CMSS1: variants seen among roughly 807,000 people sequenced by gnomAD.
CMSS1 encodes cms1 ribosomal small subunit homolog.
CMSS1 carries 33 observed loss-of-function variants against 43.5 expected under a neutral mutation model. The ratio of observed to expected loss-of-function variants is 0.76; its 90% CI spans 0.57 to 1.01. The LOEUF is 1.01. Among genes scored for constraint, CMSS1 ranks in the 50% least tolerant of loss-of-function variants. The pLI is 0.00. For synonymous variants in CMSS1, 115 were observed against 117.2 expected, an observed-to-expected ratio of 0.98 and a Z score of 0.12; for missense variants, 313 against 326.4, an observed-to-expected ratio of 0.96 and a Z score of 0.32.
At position 100,144,587 on chromosome 3, in the gene CMSS1, C is replaced by A. The variant is rs72936578; in HGVS notation, c.65-2386C>A. On this transcript the variant is annotated intron_variant, in intron 1 of 9. Transcript: ENST00000421999. Reference sequence around the variant, plus strand: ...TCCATCATGGGGTGCCTCATTACACCCTGTCAAGGGTGGAAGTCTAGGCTC... The same window carrying A: ...TCCATCATGGGGTGCCTCATTACACACTGTCAAGGGTGGAAGTCTAGGCTC... Among the ~76,000 whole-genome samples, 394 of 152,286 alleles carry A rather than the reference C, an allele frequency of 2.6e-3. 4 individuals are homozygous for A. Among genetic ancestry groups the A allele is most frequent in the African/African-American group, 9.2e-3 (381 of 41,556 alleles).
At chr3:100,037,622 G>A (rs1251942724) in intron 1 of CMSS1, among the ~76,000 whole-genome samples, 2 of 152,168 alleles carry the variant, frequency 1.3e-5, no homozygotes, top group African/African-American at 2.4e-5. Flanking sequence ...ATCATAAAAT[G>A]TATAAATAAC....
intron 1 of CMSS1, among the ~76,000 whole-genome samples, chr3:99,888,115 A>G (rs974490931): frequency 6.6e-6 from 1 of 152,212 alleles, no homozygotes; most frequent in Non-Finnish European, 1.5e-5. Flanking sequence ...GCATCTATTG[A>G]AAAATTTTAA....
intron 1 of CMSS1, among the ~76,000 whole-genome samples, chr3:99,975,101 GC>G (rs1468810028): frequency 2.6e-5 from 4 of 152,164 alleles, no homozygotes; most frequent in Admixed American, 6.5e-5. Context: ...TCTAGATTAA[GC>G]CCAGTGAAGT....
chr3:99,943,911 A>G (rs1707927301), intron 1 of CMSS1, among the ~76,000 whole-genome samples: 1 of 152,176 alleles, frequency 6.6e-6, no homozygotes, highest in African/African-American at 2.4e-5. Context: ...TTCAGGGCTC[A>G]GTGTTTTATA....
Position 99,850,477 on chromosome 3 carries a change from T to C in CMSS1, c.64+32434T>C, listed in dbSNP as rs201901524. The C allele has an allele frequency of 1.2e-3, 2,005 of 1,613,974 alleles. 5 individuals carry two copies. The highest frequency in any genetic ancestry group is 1.5e-3 in the South Asian group (139 of 91,008). On this transcript the variant is annotated intron_variant, in intron 1 of 9. Transcript: ENST00000421999. ...TAACGTCTCCCTTTCAAGCCTCTTATTGAGATCTCTGCACTGCTCCTCCAT... is the reference window on the plus strand; with the variant it reads ...TAACGTCTCCCTTTCAAGCCTCTTACTGAGATCTCTGCACTGCTCCTCCAT...
chr3:99,864,301 T>C (rs1204112598), intron 1 of CMSS1, among the ~76,000 whole-genome samples: 2 of 152,074 alleles, frequency 1.3e-5, no homozygotes, highest in African/African-American at 4.8e-5. Flanking sequence ...GGTACTAGAG[T>C]GTGAGACTTG....
At chr3:99,850,556 C>G (rs1194685298) in intron 1 of CMSS1, 1 of 1,613,820 alleles carries the variant, frequency 6.2e-7, no homozygotes, top group East Asian at 2.2e-5. Flanking sequence ...TTCCTGAGCT[C>G]TTCCACTTCA....
intron 4 of CMSS1, among the ~76,000 whole-genome samples, chr3:100,164,525 G>A (rs1026619046): frequency 2.0e-5 from 3 of 152,114 alleles, no homozygotes; most frequent in African/African-American, 7.2e-5. Context: ...GGTTTGGGGA[G>A]GAAGGAAAAT....
chr3:99,839,392 A>G (rs1027207396), intron 1 of CMSS1, among the ~76,000 whole-genome samples: 2 of 152,204 alleles, frequency 1.3e-5, no homozygotes, highest in Admixed American at 6.5e-5. Flanking sequence ...TTGAGGAATG[A>G]AGGAAGCCTG....
At chr3:99,891,395 A>G (rs1419241997) in intron 1 of CMSS1, among the ~76,000 whole-genome samples, 1 of 152,196 alleles carries the variant, frequency 6.6e-6, no homozygotes, top group Non-Finnish European at 1.5e-5. Context: ...GAGTTTAACA[A>G]AACATTCTCA....
At chr3:99,848,858 C>G (rs1943505007) in intron 1 of CMSS1, 3 of 1,613,954 alleles carry the variant, frequency 1.9e-6, no homozygotes, top group Non-Finnish European at 2.5e-6. Flanking sequence ...TTTGGCGTGC[C>G]ACAGTTCGGT....
chr3:99,830,304 G>A (rs1313169335), intron 1 of CMSS1: 2 of 348,314 alleles, frequency 5.7e-6, no homozygotes, highest in Non-Finnish European at 1.1e-5. Flanking sequence ...GGTCCACAAA[G>A]CTGCTTCACC....
chr3:99,848,603 T>C, intron 1 of CMSS1: 1 of 1,614,132 alleles, frequency 6.2e-7, no homozygotes. Flanking sequence ...TTGGCACTGA[T>C]TTCTGTTGGT....
intron 1 of CMSS1, among the ~76,000 whole-genome samples, chr3:99,990,647 T>C (rs1423592932): frequency 2.6e-5 from 4 of 152,088 alleles, no homozygotes; most frequent in Non-Finnish European, 5.9e-5. Flanking sequence ...AGAGATGATG[T>C]CCTGGCATCA....
At chr3:100,026,029 G>A (rs1343844269) in intron 1 of CMSS1, among the ~76,000 whole-genome samples, 1 of 152,280 alleles carries the variant, frequency 6.6e-6, no homozygotes, top group South Asian at 2.1e-4. Flanking sequence ...ACTATGACCT[G>A]AGTCTTGGGA....
At chr3:100,017,656 G>T (rs1204801592) in intron 1 of CMSS1, among the ~76,000 whole-genome samples, 1 of 152,208 alleles carries the variant, frequency 6.6e-6, no homozygotes, top group African/African-American at 2.4e-5. Flanking sequence ...CAGATGTGGT[G>T]GCATGCACCT....
chr3:100,079,736 A>T (rs1432880790), intron 1 of CMSS1, among the ~76,000 whole-genome samples: 1 of 152,158 alleles, frequency 6.6e-6, no homozygotes, highest in Non-Finnish European at 1.5e-5. Flanking sequence ...TAGAACAAAA[A>T]TTAATCCCAC....
intron 1 of CMSS1, among the ~76,000 whole-genome samples, chr3:100,057,884 T>C (rs776285655): frequency 1.3e-5 from 2 of 152,340 alleles, no homozygotes; most frequent in Admixed American, 6.5e-5. Context: ...CCAACTTCTA[T>C]GTATTCCTCA....
intron 1 of CMSS1, among the ~76,000 whole-genome samples, chr3:100,097,852 T>G (rs2066237734): frequency 6.6e-6 from 1 of 152,228 alleles, no homozygotes; most frequent in East Asian, 1.9e-4. Context: ...ACCTTCTAAG[T>G]TGCAATGGCT....
Sources: allele counts gnomAD v4.1 joint callset (sites outside exome capture counted in the v4.1 genomes callset), GRCh38; gene constraint gnomAD v4.1.1; transcripts MANE v1.5; gene names NCBI Gene and HGNC (gene_info 2026-07-23, HGNC 2026-07-21).